PRR5L: variants seen among roughly 807,000 people sequenced by gnomAD.
PRR5L encodes proline rich 5 like.
In PRR5L, 21 loss-of-function variants were observed where a neutral mutation model predicts 36.4. The ratio of observed to expected loss-of-function variants is 0.58; its 90% CI spans 0.41 to 0.83. The LOEUF is 0.83. Ranked by LOEUF, PRR5L falls within the 40% of genes least tolerant of loss-of-function variation. PRR5L has a pLI of 0.00. For synonymous variants in PRR5L, 188 were observed against 197.0 expected, an observed-to-expected ratio of 0.95 and a Z score of 0.38; for missense variants, 381 against 473.3, an observed-to-expected ratio of 0.80 and a Z score of 1.81.
At chr11:36,311,065 A>T (rs1471721804) in intron 1 of PRR5L, among the ~76,000 whole-genome samples, 1 of 151,500 alleles carries the variant, frequency 6.6e-6, no homozygotes, top group Admixed American at 6.6e-5. Context: ...TTCCATGTGC[A>T]TGAGCATAAT....
intron 6 of PRR5L, among the ~76,000 whole-genome samples, chr11:36,441,744 G>T (rs1778031984): frequency 6.6e-6 from 1 of 152,068 alleles, no homozygotes; most frequent in South Asian, 2.1e-4. Flanking sequence ...CTTCTGCTTG[G>T]GCACCCAGGC....
chr11:36,309,791 G>T lies in PRR5L; in HGVS notation c.-126+13353G>T, dbSNP rs1856479317. Reference sequence around the variant, plus strand: ...TATGTGTGTTTTGGCACACTTCTCAGATTAAAGGGATGAAGAGACTCATCC... The same window carrying T: ...TATGTGTGTTTTGGCACACTTCTCATATTAAAGGGATGAAGAGACTCATCC... On this transcript the variant is annotated intron_variant, in intron 1 of 8. Transcript: ENST00000530639. Among the ~76,000 whole-genome samples, 4 of 152,032 alleles carry T rather than the reference G, an allele frequency of 2.6e-5. No homozygotes were observed. The South Asian group carries it at 8.3e-4, about 31-fold the overall frequency.
chr11:36,377,801 A>G lies in PRR5L; in HGVS notation c.-125-23196A>G, dbSNP rs1420503418. The G allele has an allele frequency of 6.6e-6, 1 of 152,264 alleles. No homozygotes were observed. The highest frequency in any genetic ancestry group is 2.4e-5 in the African/African-American group (1 of 41,460). 9.4% of individuals were successfully genotyped at this position (152,264 alleles called of 1,614,324 possible). A position where few individuals can be genotyped will look rare whatever the true frequency, so the allele number is the denominator to read the frequency against. On this transcript the variant is annotated intron_variant, in intron 1 of 8. Transcript: ENST00000530639. This position sits in a 1 kb window ranked among gnomAD's most constrained non-coding sequence, Gnocchi z 5.1. The stretch of plus-strand genomic sequence containing the variant: ...ACTGCGATGCGCCCCACAAGACGAA[A>G]GGTTCACGCGCTGCGTCTGAGCTGC...
intron 1 of PRR5L, among the ~76,000 whole-genome samples, chr11:36,389,819 G>A (rs1857529671): frequency 6.6e-6 from 1 of 152,050 alleles, no homozygotes; most frequent in Non-Finnish European, 1.5e-5. Context: ...CGCCATGTTG[G>A]CCAGGCTGGT....
chr11:36,351,466 TATATATAC>T lies in PRR5L; in HGVS notation c.-125-49523_-125-49516del, dbSNP rs1565408057. Among the ~76,000 whole-genome samples, 3 of 60,668 alleles carry T rather than the reference TATATATAC, an allele frequency of 4.9e-5. 1 individual carries two copies. The highest frequency in any genetic ancestry group is 6.7e-5 in the African/African-American group (1 of 14,902). The allele number at this position is 60,668 out of a possible 152,430, so 39.8% of individuals were successfully genotyped here. A position where few individuals can be genotyped will look rare whatever the true frequency, so the allele number is the denominator to read the frequency against. ...ATATATATTTATATATTTATATATT[TATATATAC>T]ATATATATTTATATATTTATATATA... On this transcript the variant is annotated intron_variant, in intron 1 of 8. Coordinates refer to ENST00000530639, the MANE Select transcript of PRR5L (RefSeq NM_001160167.2).
At chr11:36,321,301 T>A (rs1014111917) in intron 1 of PRR5L, 3 of 152,256 alleles carry the variant, frequency 2.0e-5, no homozygotes, top group Non-Finnish European at 4.4e-5. Flanking sequence ...CAACTCATGA[T>A]CACAAGATGG....
chr11:36,399,272 G>T (rs1857736844), intron 1 of PRR5L, among the ~76,000 whole-genome samples: 1 of 152,166 alleles, frequency 6.6e-6, no homozygotes, highest in Non-Finnish European at 1.5e-5. Context: ...GACTGTACAG[G>T]AAAACAGGAC....
chr11:36,412,244 T>G (rs563871246), intron 3 of PRR5L, among the ~76,000 whole-genome samples: 1 of 152,258 alleles, frequency 6.6e-6, no homozygotes, highest in South Asian at 2.1e-4. Context: ...CCTTGTATAT[T>G]AAAATTGAGG....
intron 1 of PRR5L, among the ~76,000 whole-genome samples, chr11:36,325,778 A>G (rs115140559): frequency 1.2e-3 from 178 of 152,306 alleles, no homozygotes; most frequent in African/African-American, 4.2e-3. Flanking sequence ...ACACCAACAT[A>G]GTCTTTTTCT....
chr11:36,424,555 T>C (rs1383225387), intron 4 of PRR5L, among the ~76,000 whole-genome samples: 3 of 152,214 alleles, frequency 2.0e-5, no homozygotes, highest in African/African-American at 7.2e-5. Context: ...AAGTAGAAAC[T>C]GAGTTGGAAG....
chr11:36,327,215 C>T (rs1440071772), intron 1 of PRR5L, among the ~76,000 whole-genome samples: 4 of 152,144 alleles, frequency 2.6e-5, no homozygotes, highest in Non-Finnish European at 4.4e-5. Flanking sequence ...AGATGCCCAC[C>T]GAACTGAATG....
chr11:36,395,422 C>A (rs142123589), intron 1 of PRR5L, among the ~76,000 whole-genome samples: 1 of 152,270 alleles, frequency 6.6e-6, no homozygotes, highest in Non-Finnish European at 1.5e-5. Context: ...AAATTCAGTT[C>A]CTCAGTTGCA....
intron 2 of PRR5L, 38 bp downstream of exon 2, chr11:36,401,323 A>G: frequency 1.9e-6 from 3 of 1,597,478 alleles, no homozygotes; most frequent in Non-Finnish European, 2.6e-6. Flanking sequence ...GAGGGCTGCC[A>G]AGGGCCATGG....
intron 4 of PRR5L, among the ~76,000 whole-genome samples, chr11:36,427,944 G>A (rs1323345969): frequency 6.6e-6 from 1 of 152,222 alleles, no homozygotes; most frequent in Non-Finnish European, 1.5e-5. Flanking sequence ...TTGCACATCT[G>A]CACTGGGCAC....
intron 4 of PRR5L, 54 bp downstream of exon 4, chr11:36,419,357 C>T: frequency 6.8e-7 from 1 of 1,473,468 alleles, no homozygotes; most frequent in Non-Finnish European, 9.5e-7. Flanking sequence ...GGGGCATGGA[C>T]CTAAAAGGGG....
At chr11:36,373,722 C>A (rs984571243) in intron 1 of PRR5L, among the ~76,000 whole-genome samples, 1 of 144,964 alleles carries the variant, frequency 6.9e-6, no homozygotes, top group Non-Finnish European at 1.5e-5. Context: ...ATGGCATGCT[C>A]GTATGTTGTG....
chr11:36,343,118 C>T (rs12292289), intron 1 of PRR5L, among the ~76,000 whole-genome samples: 4,680 of 152,250 alleles, frequency 0.031, 229 homozygotes, highest in African/African-American at 0.11. Flanking sequence ...GCAAAGACCC[C>T]AGAATGATTC....
chr11:36,362,428 G>T (rs1302484865), intron 1 of PRR5L, among the ~76,000 whole-genome samples: 1 of 151,780 alleles, frequency 6.6e-6, no homozygotes, highest in Non-Finnish European at 1.5e-5. Flanking sequence ...ACCCTTGGCG[G>T]GGTGGGGGTG....
chr11:36,370,025 A>G (rs563702286), intron 1 of PRR5L, among the ~76,000 whole-genome samples: 1 of 152,358 alleles, frequency 6.6e-6, no homozygotes, highest in East Asian at 1.9e-4. Context: ...GGGCAATACA[A>G]TGGCAGCATG....
Sources: gnomAD v4.1 joint callset for allele counts (sites outside exome capture counted in the v4.1 genomes callset) on GRCh38, gnomAD v4.1.1 for gene constraint, Gnocchi (gnomAD v3.1) non-coding constraint, MANE v1.5 for transcripts, NCBI Gene and HGNC (gene_info 2026-07-23, HGNC 2026-07-21) for gene names.